The following IQSEC1 variants were observed in gnomAD, a reference collection of about 807,000 sequenced individuals.
IQSEC1 encodes the protein IQ motif and Sec7 domain ArfGEF 1.
In IQSEC1, 31 loss-of-function variants were observed where a neutral mutation model predicts 91.0. The observed-to-expected ratio is 0.34, with a 90% CI of 0.26 to 0.46. IQSEC1 has a LOEUF of 0.46. Among genes scored for constraint, IQSEC1 ranks in the 20% least tolerant of loss-of-function variants. The probability of loss-of-function intolerance (pLI) is 1.00; values close to 1 mark genes in which losing one functional copy is unlikely to be tolerated. For synonymous variants in IQSEC1, 699 were observed against 662.6 expected (o/e 1.05, Z -0.84); for missense variants, 1,388 against 1,575.6 (o/e 0.88, Z 2.02).
At position 12,935,418 on chromosome 3, in the gene IQSEC1, C is replaced by T; in HGVS notation, c.1568+30G>A. On this transcript the variant is annotated intron_variant, in intron 3 of 13. Transcript: ENST00000613206. This position sits in a 1 kb window ranked among gnomAD's most constrained non-coding sequence, Gnocchi z 8.0. The stretch of plus-strand genomic sequence containing the variant: ...CCAAGGCCCAGCAAGCCACAGCTGC[C>T]CACCCTGAGGGGTCACCCATGGTAC... 1 of 1,584,000 alleles carries T rather than the reference C, an allele frequency of 6.3e-7. No homozygotes were observed.
chr3:13,057,992 G>T (rs1704935207), intron 1 of IQSEC1, among the ~76,000 whole-genome samples: 1 of 152,204 alleles, frequency 6.6e-6, no homozygotes, highest in Non-Finnish European at 1.5e-5. Context: ...ACATTTTCAG[G>T]CCTGGCACAG....
At chr3:13,136,489 A>G (rs949811361) in intron 2 of IQSEC1, among the ~76,000 whole-genome samples, 2 of 152,214 alleles carry the variant, frequency 1.3e-5, no homozygotes, top group Non-Finnish European at 2.9e-5. Flanking sequence ...GAAGAATGTA[A>G]AAGACAAACC....
In IQSEC1 at chr3:12,940,754, C is replaced by T. The variant is rs1230906057; in HGVS notation, c.318+817G>A. 6.6e-6 allele frequency among the ~76,000 whole-genome samples: 1 copy of T among 152,218 alleles called. No homozygotes were observed. The highest frequency in any genetic ancestry group is 1.5e-5 in the Non-Finnish European group (1 of 68,022). On this transcript the variant is annotated intron_variant, in intron 2 of 13. Coordinates refer to ENST00000613206, the MANE Select transcript of IQSEC1 (RefSeq NM_001134382.3). The surrounding 1 kb of genome is among the most constrained non-coding windows in gnomAD (Gnocchi z 4.4). ...TGTCCATGCACTGGCCCACTCACCCCCTCACTCATCCATCTGTGCAGTCAC... is the reference window on the plus strand; with the variant it reads ...TGTCCATGCACTGGCCCACTCACCCTCTCACTCATCCATCTGTGCAGTCAC...
rs193005297 is a variant in IQSEC1 at position 13,090,801 on chromosome 3, C to T, written c.303-43279G>A. Among the ~76,000 whole-genome samples the T allele has an allele frequency of 9.4e-4, 143 of 152,240 alleles. 1 individual carries two copies. The South Asian group carries it at 0.016, about 17-fold the overall frequency. On this transcript the variant is annotated intron_variant, in intron 2 of 15. Coordinates refer to the IQSEC1 transcript ENST00000648114. ...GGCACCCTGTGACTCGTATGAGCTCCGTAGAGATTTTAGACTTCGATCCTT... is the reference window on the plus strand; with the variant it reads ...GGCACCCTGTGACTCGTATGAGCTCTGTAGAGATTTTAGACTTCGATCCTT...
In IQSEC1 at chr3:13,211,841, C is replaced by T. The variant is rs1694454046; in HGVS notation, c.273-47708G>A. Among the ~76,000 whole-genome samples the T allele has an allele frequency of 6.6e-6, 1 of 152,236 alleles. No homozygotes were observed. The highest frequency in any genetic ancestry group is 2.4e-5 in the African/African-American group (1 of 41,462). On this transcript the variant is annotated intron_variant, in intron 1 of 15. Coordinates refer to the IQSEC1 transcript ENST00000648114. The surrounding 1 kb of genome is among the most constrained non-coding windows in gnomAD (Gnocchi z 5.3). ...GGCAAATGCCGCACCCTCCATGCAG[C>T]CCTCGCCCACCCTCGCAGGCACAGT...
intron 12 of IQSEC1, among the ~76,000 whole-genome samples, chr3:12,907,605 C>A (rs1031157341): frequency 3.3e-5 from 5 of 152,242 alleles, no homozygotes; most frequent in African/African-American, 1.2e-4. Context: ...TCGGCCAGTG[C>A]CTCTTTTCTC....
chr3:13,054,761 A>AG (rs1419159533), intron 1 of IQSEC1, among the ~76,000 whole-genome samples: 3 of 152,072 alleles, frequency 2.0e-5, no homozygotes, highest in African/African-American at 4.8e-5. Flanking sequence ...ATGATCCCCG[A>AG]GGGGGGAGGC....
chr3:13,025,068 C>T (rs1703560583), intron 1 of IQSEC1, among the ~76,000 whole-genome samples: 1 of 152,252 alleles, frequency 6.6e-6, no homozygotes, highest in African/African-American at 2.4e-5. Context: ...GTTTCTGAAA[C>T]AGAGAGTGCA....
intron 1 of IQSEC1, among the ~76,000 whole-genome samples, chr3:13,218,264 T>G (rs9857026): frequency 0.2 from 30,532 of 152,156 alleles, 4,380 homozygotes; most frequent in African/African-American, 0.39. Flanking sequence ...GGCTGGACCT[T>G]GCTGTGCTGA....
At chr3:13,160,709 C>T (rs1301103827) in intron 2 of IQSEC1, among the ~76,000 whole-genome samples, 1 of 152,190 alleles carries the variant, frequency 6.6e-6, no homozygotes, top group East Asian at 1.9e-4. Context: ...TGAGTCCAAT[C>T]AAACACACAT....
At chr3:13,209,518 G>C (rs913495746) in intron 1 of IQSEC1, among the ~76,000 whole-genome samples, 1 of 152,210 alleles carries the variant, frequency 6.6e-6, no homozygotes, top group Non-Finnish European at 1.5e-5. Context: ...AGTGCAGCTT[G>C]GGCAATTCAA....
intron 1 of IQSEC1, among the ~76,000 whole-genome samples, chr3:13,065,239 CTG>C (rs1167702674): frequency 1.3e-5 from 2 of 152,368 alleles, no homozygotes; most frequent in South Asian, 2.1e-4. Flanking sequence ...CTAAACTGCT[CTG>C]TGTCACCAGC....
chr3:13,191,789 G>GTGGAGGTTTTGCAGTCC (rs1471863578), intron 1 of IQSEC1, among the ~76,000 whole-genome samples: 4 of 152,198 alleles, frequency 2.6e-5, no homozygotes, highest in Non-Finnish European at 5.9e-5. Flanking sequence ...TTGACCATCT[G>GTGGAGGTTTTGCAGTCC]TGGAGGTTTT....
chr3:13,157,651 AAG>A (rs1158448466), intron 2 of IQSEC1, among the ~76,000 whole-genome samples: 1 of 152,158 alleles, frequency 6.6e-6, no homozygotes, highest in Non-Finnish European at 1.5e-5. Flanking sequence ...CAGGGGAGCA[AAG>A]GAAGGAAGGA....
intron 1 of IQSEC1, among the ~76,000 whole-genome samples, chr3:13,024,378 C>T (rs1576181947): frequency 2.3e-5 from 1 of 44,356 alleles, no homozygotes; most frequent in South Asian, 9.6e-4. Context: ...TCACTCCATC[C>T]ATCCATCCAT....
At chr3:12,916,271 C>T (rs1364193158) in intron 6 of IQSEC1, among the ~76,000 whole-genome samples, 1 of 152,188 alleles carries the variant, frequency 6.6e-6, no homozygotes, top group African/African-American at 2.4e-5. Flanking sequence ...AAACGAGGGG[C>T]GCCTGGGGCG....
At chr3:13,212,872 G>A (rs1050229460) in intron 1 of IQSEC1, among the ~76,000 whole-genome samples, 10 of 152,260 alleles carry the variant, frequency 6.6e-5, no homozygotes, top group Non-Finnish European at 1.3e-4. Context: ...GGTGATTTTT[G>A]TCATTGCTTT....
At chr3:13,095,388 A>G (rs752492971) in intron 2 of IQSEC1, among the ~76,000 whole-genome samples, 12 of 152,102 alleles carry the variant, frequency 7.9e-5, no homozygotes, top group Non-Finnish European at 1.2e-4. Flanking sequence ...GGATTTAACC[A>G]GCCTTGGCGA....
intron 2 of IQSEC1, among the ~76,000 whole-genome samples, chr3:13,140,566 G>A (rs2124936642): frequency 1.3e-5 from 2 of 152,356 alleles, no homozygotes; most frequent in South Asian, 4.1e-4. Context: ...CAGCAAGAGG[G>A]ATTCCCATGG....
Sources: gnomAD v4.1 joint callset for allele counts (sites outside exome capture counted in the v4.1 genomes callset) on GRCh38, gnomAD v4.1.1 for gene constraint, Gnocchi (gnomAD v3.1) non-coding constraint, MANE v1.5 for transcripts, NCBI Gene and HGNC (gene_info 2026-07-23, HGNC 2026-07-21) for gene names.